SCLT1: variants seen among roughly 807,000 people sequenced by gnomAD.
The protein encoded by SCLT1 is sodium channel and clathrin linker 1.
Under a neutral mutation model 112.8 loss-of-function variants are expected in SCLT1, and 78 were observed. The ratio of observed to expected loss-of-function variants is 0.69; its 90% confidence interval spans 0.58 to 0.83. The LOEUF (loss-of-function observed/expected upper bound fraction) is 0.83. SCLT1 is among the 40% of genes least tolerant of loss of function. SCLT1 has a pLI of 0.00. For synonymous variants in SCLT1, 257 were observed against 254.7 expected (o/e 1.01, Z -0.09); for missense variants, 747 against 770.4 (o/e 0.97, Z 0.36).
At chr4:128,932,738 T>C (rs1466310543) in intron 18 of SCLT1, among the ~76,000 whole-genome samples, 3 of 152,104 alleles carry the variant, frequency 2.0e-5, no homozygotes, top group African/African-American at 7.2e-5. Context: ...AAAACTGCCA[T>C]AAACAAATGC....
intron 18 of SCLT1, among the ~76,000 whole-genome samples, chr4:128,908,400 A>G (rs1560827820): frequency 2.8e-5 from 4 of 142,388 alleles, no homozygotes; most frequent in African/African-American, 8.5e-5. Context: ...AAAAAGAAAG[A>G]AAAAAACAGT....
chr4:128,888,220 T>G (rs896486516), intron 20 of SCLT1, among the ~76,000 whole-genome samples: 20 of 151,806 alleles, frequency 1.3e-4, no homozygotes, highest in African/African-American at 3.4e-4. Flanking sequence ...TGTTTTTTTT[T>G]TTTTTGTTGA....
At chr4:128,982,827 T>G (rs147061160) in intron 9 of SCLT1, among the ~76,000 whole-genome samples, 146 of 152,140 alleles carry the variant, frequency 9.6e-4, no homozygotes, top group African/African-American at 3.4e-3. Flanking sequence ...TAACAAATAT[T>G]CTGATGATGC....
chr4:129,020,054 T>C (rs1246197748), intron 5 of SCLT1, among the ~76,000 whole-genome samples: 1 of 152,202 alleles, frequency 6.6e-6, no homozygotes, highest in Non-Finnish European at 1.5e-5. Context: ...CTACCCGCCA[T>C]GTGGGTCTCA....
chr4:128,922,907 A>G (rs1042164666), intron 18 of SCLT1, among the ~76,000 whole-genome samples: 6 of 152,206 alleles, frequency 3.9e-5, no homozygotes, highest in African/African-American at 1.4e-4. Context: ...ACTGCAGCAC[A>G]ATGAAAAAAG....
chr4:128,923,731 C>T (rs1736065443), intron 18 of SCLT1, among the ~76,000 whole-genome samples: 1 of 151,808 alleles, frequency 6.6e-6, no homozygotes, highest in Non-Finnish European at 1.5e-5. Context: ...TATCCATGCA[C>T]CTGGTGATGT....
intron 9 of SCLT1, among the ~76,000 whole-genome samples, chr4:128,985,292 C>T (rs1266347507): frequency 6.6e-6 from 1 of 152,082 alleles, no homozygotes. Context: ...ATTTTTACTA[C>T]ATATTTTGAA....
At chr4:128,955,740 T>G (rs1348908064) in intron 13 of SCLT1, among the ~76,000 whole-genome samples, 1 of 152,220 alleles carries the variant, frequency 6.6e-6, no homozygotes, top group East Asian at 1.9e-4. Flanking sequence ...ATTTTTCATT[T>G]ATACATATTT....
At chr4:129,088,002 G>A (rs890074099) in intron 1 of SCLT1, among the ~76,000 whole-genome samples, 12 of 151,494 alleles carry the variant, frequency 7.9e-5, no homozygotes, top group Admixed American at 4.6e-4. Flanking sequence ...CAGAAGGATC[G>A]CTTGAGCCCA....
downstream of SCLT1, among the ~76,000 whole-genome samples, chr4:128,882,904 C>T (rs540160898): frequency 4.6e-5 from 7 of 152,040 alleles, no homozygotes; most frequent in South Asian, 2.1e-4. Context: ...CCCAGCACTT[C>T]GGGAGGCCGA....
intron 18 of SCLT1, among the ~76,000 whole-genome samples, chr4:128,897,932 TTA>T (rs1733920404): frequency 6.6e-6 from 1 of 152,098 alleles, no homozygotes; most frequent in Non-Finnish European, 1.5e-5. Flanking sequence ...AAGAAGGCCA[TTA>T]CATAATGGTA....
chr4:128,891,811 AT>A (rs1733349369), intron 18 of SCLT1, among the ~76,000 whole-genome samples: 1 of 151,812 alleles, frequency 6.6e-6, no homozygotes, highest in Non-Finnish European at 1.5e-5. Context: ...CGCCTGGATA[AT>A]TTTTTGTATT....
intron 1 of SCLT1, among the ~76,000 whole-genome samples, chr4:129,084,257 T>C (rs1343511145): frequency 1.3e-5 from 2 of 152,206 alleles, no homozygotes; most frequent in Non-Finnish European, 2.9e-5. Context: ...TCATTATTCA[T>C]AGTTATGAGT....
chr4:129,058,425 G>A (rs1749647963), intron 2 of SCLT1, among the ~76,000 whole-genome samples: 1 of 151,830 alleles, frequency 6.6e-6, no homozygotes, highest in Middle Eastern at 3.2e-3. Context: ...ATTTTCACTT[G>A]TTTCAAGAAA....
intron 2 of SCLT1, among the ~76,000 whole-genome samples, chr4:129,045,324 C>T (rs1260470588): frequency 6.6e-6 from 1 of 151,994 alleles, no homozygotes; most frequent in African/African-American, 2.4e-5. Context: ...GAAAGACTGA[C>T]ACATTTTACA....
intron 5 of SCLT1, chr4:129,037,178 C>A (rs1369676645): frequency 6.6e-6 from 1 of 151,808 alleles, no homozygotes; most frequent in Non-Finnish European, 1.5e-5. Context: ...AAAAAAAATT[C>A]TGTTCATCAA....
At chr4:128,876,699 T>C (rs1315488496) in intron 3 of SCLT1, 2 of 152,236 alleles carry the variant, frequency 1.3e-5, no homozygotes, top group Non-Finnish European at 2.9e-5. Flanking sequence ...ACTTCAACTG[T>C]TCCCTGTACT....
intron 10 of SCLT1, among the ~76,000 whole-genome samples, chr4:128,966,560 A>G (rs1209472724): frequency 6.6e-6 from 1 of 152,164 alleles, no homozygotes; most frequent in Non-Finnish European, 1.5e-5. Context: ...TATTAAGAGA[A>G]AAGTATGTAC....
At chr4:128,930,361 C>A (rs1391816807) in intron 18 of SCLT1, among the ~76,000 whole-genome samples, 1 of 152,170 alleles carries the variant, frequency 6.6e-6, no homozygotes, top group Non-Finnish European at 1.5e-5. Flanking sequence ...CCCATTAAGT[C>A]TTCAGATGAC....
Sources: allele counts gnomAD v4.1 joint callset (sites outside exome capture counted in the v4.1 genomes callset), GRCh38; gene constraint gnomAD v4.1.1; transcripts MANE v1.5; gene names NCBI Gene and HGNC (gene_info 2026-07-23, HGNC 2026-07-21).